Variants in FYB1 observed in about 807,000 individuals in gnomAD.
The protein encoded by FYB1 is FYN-binding protein 1.
A neutral mutation model predicts 94.1 loss-of-function variants in FYB1; 41 were observed. The observed-to-expected ratio is 0.44, with a 90% CI of 0.34 to 0.57. The LOEUF (loss-of-function observed/expected upper bound fraction) is 0.57. Ranked by LOEUF, FYB1 falls within the 20% of genes least tolerant of loss-of-function variation. The pLI is 0.02. For synonymous variants in FYB1, 367 were observed against 353.2 expected, an observed-to-expected ratio of 1.04 and a Z score of -0.44; for missense variants, 1,050 against 976.8, an observed-to-expected ratio of 1.07 and a Z score of -1.00.
chr5:39,141,197 A>G, intron 3 of FYB1, 56 bp from the exon 4 acceptor site: 1 of 1,127,020 alleles, frequency 8.9e-7, no homozygotes. Context: ...CTCACCTTAC[A>G]ATGAAAAAGG....
upstream of FYB1, among the ~76,000 whole-genome samples, chr5:39,221,963 T>C (rs1750280536): frequency 6.6e-6 from 1 of 151,590 alleles, no homozygotes; most frequent in Non-Finnish European, 1.5e-5. Flanking sequence ...ATTGCACCAT[T>C]GCACTCCAGC....
At chr5:39,187,821 A>G (rs1286291423) in intron 2 of FYB1, among the ~76,000 whole-genome samples, 1 of 139,316 alleles carries the variant, frequency 7.2e-6, no homozygotes, top group Non-Finnish European at 1.5e-5. Context: ...TGCCTTGCAT[A>G]CCACCAGTAG....
intron 1 of FYB1, among the ~76,000 whole-genome samples, chr5:39,226,016 G>C (rs1426932790): frequency 6.6e-6 from 1 of 152,098 alleles, no homozygotes; most frequent in Non-Finnish European, 1.5e-5. Context: ...TGGGTCCCTG[G>C]TTCACAATTC....
intron 16 of FYB1, among the ~76,000 whole-genome samples, chr5:39,117,198 T>C (rs1257403847): frequency 1.3e-5 from 2 of 152,212 alleles, no homozygotes; most frequent in Non-Finnish European, 2.9e-5. Context: ...TTAGCTTCTC[T>C]TCTTTGCATG....
chr5:39,156,265 T>C (rs1743743104), intron 2 of FYB1, among the ~76,000 whole-genome samples: 1 of 152,190 alleles, frequency 6.6e-6, no homozygotes, highest in African/African-American at 2.4e-5. Context: ...TCTGTGGTTC[T>C]GCTTACTCGA....
chr5:39,205,378 T>A (rs1748751990), intron 1 of FYB1, among the ~76,000 whole-genome samples: 1 of 152,190 alleles, frequency 6.6e-6, no homozygotes, highest in South Asian at 2.1e-4. Context: ...TGTGTAGCCA[T>A]AGGACTGTTA....
In FYB1 at chr5:39,119,029, C is replaced by A. The variant is rs751918960; in HGVS notation, c.2246G>T (p.Gly749Val). 4 of 1,331,358 alleles carry A rather than the reference C, an allele frequency of 3.0e-6. No homozygotes were observed. Among genetic ancestry groups the A allele is most frequent in the Non-Finnish European group, 3.0e-6 (3 of 996,802 alleles). The allele number at this position is 1,331,358 out of a possible 1,614,324, so 82.5% of individuals were successfully genotyped here. A position where few individuals can be genotyped will look rare whatever the true frequency, so the allele number is the denominator to read the frequency against. ...AGTTGAATATAGGACTCTAATTTCA[C>A]CATCATACTAAAAAAAAAAGAACAA... ...KDFRKKFKYD[G>V]EIRVLYSTKV... Residue 749 changes from glycine to valine, a missense_variant, in exon 16 of 19, where the codon GGT (glycine) becomes GTT (valine). Physicochemically the swap from Gly to Val is moderately radical, Grantham distance 109 (BLOSUM62 -3). Coordinates refer to ENST00000512982, the MANE Select transcript of FYB1 (RefSeq NM_001465.6).
At chr5:39,272,749 C>T (rs2111789899) in intron 1 of FYB1, among the ~76,000 whole-genome samples, 1 of 150,262 alleles carries the variant, frequency 6.7e-6, no homozygotes, top group Non-Finnish European at 1.5e-5. Flanking sequence ...AAGTTGGACA[C>T]AAATTACATG....
intron 2 of FYB1, among the ~76,000 whole-genome samples, chr5:39,192,739 C>A (rs926590528): frequency 1.2e-4 from 19 of 152,178 alleles, no homozygotes; most frequent in Non-Finnish European, 2.6e-4. Flanking sequence ...TAAGTATGGA[C>A]TATTGTTGAG....
At chr5:39,199,090 G>A (rs1748085018) in intron 2 of FYB1, among the ~76,000 whole-genome samples, 1 of 151,280 alleles carries the variant, frequency 6.6e-6, no homozygotes, top group Non-Finnish European at 1.5e-5. Flanking sequence ...ACATGTTTAT[G>A]TATACGTATA....
chr5:39,247,802 G>A (rs1751548451), intron 1 of FYB1, among the ~76,000 whole-genome samples: 1 of 151,690 alleles, frequency 6.6e-6, no homozygotes, highest in Non-Finnish European at 1.5e-5. Context: ...ACCATAGTGT[G>A]CTTTTAGAAA....
At chr5:39,219,889 G>C (rs960667673), upstream of FYB1, among the ~76,000 whole-genome samples, 5 of 152,234 alleles carry the variant, frequency 3.3e-5, no homozygotes, top group Middle Eastern at 3.4e-3. Context: ...CTGCAATGGG[G>C]GCCAAAGGGG....
chr5:39,198,409 C>A (rs1446650437), intron 2 of FYB1, among the ~76,000 whole-genome samples: 1 of 152,112 alleles, frequency 6.6e-6, no homozygotes, highest in African/African-American at 2.4e-5. Context: ...ACTGCTGTAT[C>A]TAATTCATGG....
At chr5:39,221,801 A>G (rs894311641), upstream of FYB1, among the ~76,000 whole-genome samples, 2 of 152,150 alleles carry the variant, frequency 1.3e-5, no homozygotes, top group Non-Finnish European at 2.9e-5. Context: ...GTTCGAGACT[A>G]GCTTGGCCAG....
chr5:39,195,197 A>G (rs989660660), intron 2 of FYB1, among the ~76,000 whole-genome samples: 6 of 152,174 alleles, frequency 3.9e-5, no homozygotes, highest in Admixed American at 3.3e-4. Context: ...GCACAGTGAC[A>G]TATTAATACT....
chr5:39,113,672 A>G (rs1392999447), intron 16 of FYB1, among the ~76,000 whole-genome samples: 2 of 146,696 alleles, frequency 1.4e-5, no homozygotes, highest in South Asian at 2.2e-4. Flanking sequence ...CAAATTTTTT[A>G]CTTAATAAAA....
chr5:39,183,661 G>C (rs1408481591), intron 2 of FYB1, among the ~76,000 whole-genome samples: 3 of 152,118 alleles, frequency 2.0e-5, no homozygotes, highest in African/African-American at 7.2e-5. Flanking sequence ...CTAAAAAAAT[G>C]AGTTTCTATA....
chr5:39,235,255 A>G (rs1260198115), intron 1 of FYB1, among the ~76,000 whole-genome samples: 1 of 150,128 alleles, frequency 6.7e-6, no homozygotes, highest in African/African-American at 2.5e-5. Context: ...AGAGGGAACT[A>G]CAGATAATAC....
chr5:39,253,325 G>A (rs1266483922), intron 1 of FYB1, among the ~76,000 whole-genome samples: 6 of 151,794 alleles, frequency 4.0e-5, no homozygotes, highest in African/African-American at 7.3e-5. Flanking sequence ...AAGACCCAAA[G>A]CCTAGTTTTA....
Sources: allele counts gnomAD v4.1 joint callset (sites outside exome capture counted in the v4.1 genomes callset), GRCh38; gene constraint gnomAD v4.1.1; transcripts MANE v1.5; gene names NCBI Gene and HGNC (gene_info 2026-07-23, HGNC 2026-07-21).